NUP210L: variants seen among roughly 807,000 people sequenced by gnomAD.
NUP210L encodes nuclear pore membrane glycoprotein 210-like.
A neutral mutation model predicts 208.5 loss-of-function variants in NUP210L; 74 were observed. That is an observed-to-expected ratio of 0.35 (90% CI 0.29 to 0.43). NUP210L has a LOEUF of 0.43. Ranked by LOEUF, NUP210L falls within the 20% of genes least tolerant of loss-of-function variation. The pLI is 1.00. For synonymous variants in NUP210L, 780 were observed against 816.9 expected (o/e 0.95, Z 0.77); for missense variants, 1,843 against 2,289.4 (o/e 0.81, Z 3.98).
At chr1:154,042,997 C>T (rs1338153888) in intron 27 of NUP210L, among the ~76,000 whole-genome samples, 1 of 146,532 alleles carries the variant, frequency 6.8e-6, no homozygotes, top group Non-Finnish European at 1.5e-5. Flanking sequence ...CAGCTGTGAG[C>T]CACCACACCC....
intron 2 of NUP210L, among the ~76,000 whole-genome samples, chr1:154,152,006 C>T (rs1659410574): frequency 6.9e-6 from 1 of 144,024 alleles, no homozygotes; most frequent in Non-Finnish European, 1.5e-5. Context: ...AGGAGAATCG[C>T]TTGAACCTGG....
At chr1:154,117,092 A>G (rs1342324927) in intron 12 of NUP210L, among the ~76,000 whole-genome samples, 1 of 152,228 alleles carries the variant, frequency 6.6e-6, no homozygotes, top group African/African-American at 2.4e-5. Context: ...TGTTTTTATA[A>G]TTAGTATAAT....
At chr1:154,009,944 G>A in intron 35 of NUP210L, 28 bp downstream of exon 35, 2 of 1,569,752 alleles carry the variant, frequency 1.3e-6, no homozygotes, top group Non-Finnish European at 1.7e-6. Context: ...ACAGAATGGG[G>A]AAACCAGATT....
rs867603790 is a variant in NUP210L, at chr1:154,060,783, G to C, written c.2749-142C>G. ...CAAAAGACAAAATACAATTATTAAAGTACAATTTTTAAGGACAGTGCAACT... is the reference window on the plus strand; with the variant it reads ...CAAAAGACAAAATACAATTATTAAACTACAATTTTTAAGGACAGTGCAACT... On this transcript the variant is annotated intron_variant, in intron 19 of 39. Transcript: ENST00000368559. The C allele has an allele frequency of 7.9e-6, 6 of 757,032 alleles. No homozygotes were observed. The Middle Eastern group carries it at 1.2e-3, about 148-fold the overall frequency. 46.9% of individuals were successfully genotyped at this position (757,032 alleles called of 1,614,324 possible). A position where few individuals can be genotyped will look rare whatever the true frequency, so the allele number is the denominator to read the frequency against.
intron 27 of NUP210L, among the ~76,000 whole-genome samples, chr1:154,032,988 GAAAA>G (rs1652335025): frequency 8.0e-6 from 1 of 124,444 alleles, no homozygotes; most frequent in South Asian, 2.6e-4. Context: ...GAAAAGAAAA[GAAAA>G]GAAAGAAAGA....
chr1:154,149,439 T>G (rs1443125385), intron 2 of NUP210L, among the ~76,000 whole-genome samples: 4 of 152,118 alleles, frequency 2.6e-5, no homozygotes, highest in African/African-American at 9.7e-5. Context: ...AACTGCCCAG[T>G]ACAATGGCCC....
Position 154,025,637 on chromosome 1 carries a change from G to A in NUP210L, c.4027C>T (p.Leu1343Phe). The change falls in exon 30 of 40, where the codon CTC becomes TTC. Residue 1343 changes from leucine to phenylalanine, a missense_variant. By Grantham distance (22) the Leu-to-Phe change is conservative. Transcript: ENST00000368559. ...CCTGCAATGGAACCAGCTTTCAGGA[G>A]CCCTTCACCATCCTCCTCAATGACG... 5 of 1,613,840 alleles carry A rather than the reference G, an allele frequency of 3.1e-6. No individual in the cohort carries two copies. The South Asian group carries it at 5.5e-5, about 18-fold the overall frequency.
chr1:154,058,062 G>C (rs761107529), intron 22 of NUP210L, 27 bp downstream of exon 22: 72 of 1,613,050 alleles, frequency 4.5e-5, no homozygotes, highest in Non-Finnish European at 5.5e-5. Context: ...ATGCAGAGTG[G>C]GAAGGAAGTA....
intron 38 of NUP210L, 108 bp downstream of exon 38, chr1:153,994,968 C>T (rs1375352178): frequency 2.2e-5 from 14 of 630,290 alleles, no homozygotes; most frequent in South Asian, 4.2e-5. Context: ...GCCAAGATTG[C>T]GCCACTGCAC....
intron 12 of NUP210L, 84 bp downstream of exon 12, chr1:154,117,641 G>T: frequency 9.6e-7 from 1 of 1,043,142 alleles, no homozygotes. Context: ...AGCCATGTTG[G>T]GCTCTTTTTT....
intron 5 of NUP210L, 115 bp downstream of exon 5, chr1:154,139,687 C>CAAAA (rs879154434): frequency 3.9e-5 from 21 of 544,308 alleles, no homozygotes; most frequent in East Asian, 2.3e-4. Flanking sequence ...AACAAACAAA[C>CAAAA]AAAAAAAAAA....
In NUP210L at chr1:154,018,922, G is replaced by T; in HGVS notation, c.4653+11C>A. 6.2e-7 allele frequency: 1 copy of T among 1,613,736 alleles called. No homozygotes were observed. Among genetic ancestry groups the T allele is most frequent in the Non-Finnish European group, 8.5e-7 (1 of 1,179,812 alleles). ...CCCTAGTCTCTTAAACTCTGATACA[G>T]TTATGTTTACCTCTCGATATGTTTT... On this transcript the variant is annotated intron_variant, in intron 33 of 39. Transcript: ENST00000368559.
intron 27 of NUP210L, among the ~76,000 whole-genome samples, chr1:154,044,819 G>A (rs1272789726): frequency 6.6e-6 from 1 of 152,094 alleles, no homozygotes. Flanking sequence ...ACCACCTTGG[G>A]TGAGTTTCAT....
At chr1:154,055,176 T>TTTCTTTCTCTCTTTC (rs1653785736) in intron 23 of NUP210L, among the ~76,000 whole-genome samples, 1 of 120,068 alleles carries the variant, frequency 8.3e-6, no homozygotes, top group Non-Finnish European at 1.9e-5. Flanking sequence ...TCTTTCTTTC[T>TTTCTTTCTCTCTTTC]TTCTTTCTTT....
chr1:154,055,507 T>C (rs1488849480), intron 23 of NUP210L, among the ~76,000 whole-genome samples: 2 of 152,106 alleles, frequency 1.3e-5, no homozygotes, highest in African/African-American at 4.8e-5. Flanking sequence ...TGCCTCAGCC[T>C]CCCAAAGTGC....
chr1:154,081,480 G>C (rs1386589592), intron 16 of NUP210L, among the ~76,000 whole-genome samples: 1 of 152,136 alleles, frequency 6.6e-6, no homozygotes, highest in Non-Finnish European at 1.5e-5. Context: ...GATAACATTT[G>C]AGTTTATGCT....
At chr1:154,131,513 T>A (rs1658250896) in intron 7 of NUP210L, among the ~76,000 whole-genome samples, 2 of 152,134 alleles carry the variant, frequency 1.3e-5, no homozygotes, top group South Asian at 4.1e-4. Flanking sequence ...CTCTGCCATC[T>A]TTCTCTCTTT....
intron 23 of NUP210L, among the ~76,000 whole-genome samples, chr1:154,055,133 TTCTTTCTTTCTTTC>T (rs1653761791): frequency 1.5e-5 from 1 of 68,628 alleles, no homozygotes; most frequent in Non-Finnish European, 2.7e-5. Context: ...TTTTCTTTCT[TTCTTTCTTTCTTTC>T]TTTCTTTCTT....
At chr1:154,099,091 C>T (rs2148060123) in intron 14 of NUP210L, among the ~76,000 whole-genome samples, 1 of 152,312 alleles carries the variant, frequency 6.6e-6, no homozygotes, top group South Asian at 2.1e-4. Context: ...TTGGTGCTGA[C>T]AGCAGGAAGA....
Sources: gnomAD v4.1 joint callset for allele counts (sites outside exome capture counted in the v4.1 genomes callset) on GRCh38, gnomAD v4.1.1 for gene constraint, MANE v1.5 for transcripts, NCBI Gene and HGNC (gene_info 2026-07-23, HGNC 2026-07-21) for gene names.